NFATC3: variants seen among roughly 807,000 people sequenced by gnomAD.
NFATC3 encodes the protein nuclear factor of activated T cells 3, also known as nuclear factor of activated T-cells, cytoplasmic 3.
In NFATC3, 46 loss-of-function variants were observed where a neutral mutation model predicts 98.6. The ratio of observed to expected loss-of-function variants is 0.47; its 90% confidence interval spans 0.37 to 0.60. The LOEUF is 0.60. Among genes scored for constraint, NFATC3 ranks in the 20% least tolerant of loss-of-function variants. The pLI is 0.00. For synonymous variants in NFATC3, 512 were observed against 472.2 expected (o/e 1.08, Z -1.09); for missense variants, 1,256 against 1,295.5 (o/e 0.97, Z 0.47).
Position 68,085,417 on chromosome 16 carries a change from G to T in NFATC3, c.-265G>T, listed in dbSNP as rs541370008. On this transcript the variant is annotated 5_prime_UTR_variant, in exon 1 of 10. Coordinates refer to ENST00000346183, the MANE Select transcript of NFATC3 (RefSeq NM_173165.3). ...GCGGCGGTGGCGGCGACTGTGGGGG[G>T]GCGGCGGGGAACATTGGCTAAGCCG... 2.0e-4 allele frequency: 54 copies of T among 274,738 alleles called. No homozygotes were observed. The highest frequency in any genetic ancestry group is 2.7e-4 in the Non-Finnish European group (40 of 146,964). 17.0% of individuals were successfully genotyped at this position (274,738 alleles called of 1,614,324 possible).
At chr16:68,174,201 T>G (rs1413403127) in intron 5 of NFATC3, among the ~76,000 whole-genome samples, 173 bp from the exon 6 acceptor site, 1 of 152,210 alleles carries the variant, frequency 6.6e-6, no homozygotes, top group Admixed American at 6.5e-5. Context: ...TATAAACAGC[T>G]TAGTTCTTTT....
chr16:68,149,542 G>T (rs1002518649), intron 3 of NFATC3, among the ~76,000 whole-genome samples: 2 of 152,156 alleles, frequency 1.3e-5, no homozygotes, highest in Non-Finnish European at 2.9e-5. Flanking sequence ...CATGTATCCA[G>T]TTATAATGCA....
At chr16:68,131,650 CTT>C (rs78084781) in intron 3 of NFATC3, among the ~76,000 whole-genome samples, 16 of 138,270 alleles carry the variant, frequency 1.2e-4, no homozygotes, top group Admixed American at 2.2e-4. Flanking sequence ...AATCAAGGTA[CTT>C]TTTTTTTTTT....
intron 3 of NFATC3, among the ~76,000 whole-genome samples, chr16:68,149,723 G>A (rs546467720): frequency 2.6e-5 from 4 of 152,276 alleles, no homozygotes; most frequent in Admixed American, 2.6e-4. Context: ...GTGATAAATG[G>A]AAAACAAAAC....
chr16:68,201,353 C>A (rs1158413504), intron 9 of NFATC3, among the ~76,000 whole-genome samples: 2 of 152,050 alleles, frequency 1.3e-5, no homozygotes, highest in Non-Finnish European at 2.9e-5. Flanking sequence ...CACTTTAGCC[C>A]CCCAAGTAGC....
chr16:68,124,592 G>A (rs999099282), intron 2 of NFATC3, among the ~76,000 whole-genome samples: 6 of 151,812 alleles, frequency 4.0e-5, no homozygotes, highest in African/African-American at 1.5e-4. Context: ...CCGGCACCAC[G>A]CCCGGCTAAT....
At chr16:68,105,529 A>G (rs1319359776) in intron 1 of NFATC3, among the ~76,000 whole-genome samples, 1 of 151,914 alleles carries the variant, frequency 6.6e-6, no homozygotes, top group African/African-American at 2.4e-5. Context: ...GCTAGTGTAT[A>G]TTTTGTTGAG....
At chr16:68,222,575 C>T (rs965165347) in intron 9 of NFATC3, among the ~76,000 whole-genome samples, 1 of 152,138 alleles carries the variant, frequency 6.6e-6, no homozygotes, top group East Asian at 1.9e-4. Context: ...GTAACGCCTG[C>T]CTAAAATACA....
intron 1 of NFATC3, among the ~76,000 whole-genome samples, chr16:68,095,024 C>T (rs2034935294): frequency 6.6e-6 from 1 of 152,040 alleles, no homozygotes; most frequent in African/African-American, 2.4e-5. Context: ...TATGCCTTGG[C>T]CTGAGGATAT....
At chr16:68,148,948 G>A (rs1239674564) in intron 3 of NFATC3, among the ~76,000 whole-genome samples, 1 of 152,090 alleles carries the variant, frequency 6.6e-6, no homozygotes, top group Non-Finnish European at 1.5e-5. Flanking sequence ...GGTGGAGGTT[G>A]CAGCACCACT....
intron 9 of NFATC3, among the ~76,000 whole-genome samples, chr16:68,222,218 A>ATCACCTGAGCCCAGGAAT (rs368976473): frequency 0.014 from 1,933 of 139,584 alleles, 42 homozygotes; most frequent in African/African-American, 0.047. Flanking sequence ...AGGTGGGAAG[A>ATCACCTGAGCCCAGGAAT]TCAAGGCTGC....
At chr16:68,111,803 T>C (rs976015552) in intron 1 of NFATC3, among the ~76,000 whole-genome samples, 4 of 152,238 alleles carry the variant, frequency 2.6e-5, no homozygotes, top group Non-Finnish European at 5.9e-5. Flanking sequence ...CAGGAATTCT[T>C]GTAAAGCAGA....
At chr16:68,090,193 G>T (rs1478778379) in intron 1 of NFATC3, among the ~76,000 whole-genome samples, 6 of 151,660 alleles carry the variant, frequency 4.0e-5, no homozygotes, top group Admixed American at 3.3e-4. Context: ...TTTAGTCAAG[G>T]TTTTTGTTTT....
At position 68,202,832 on chromosome 16, in the gene NFATC3, TAAAA is replaced by T. The variant is rs538945122; in HGVS notation, c.3106+11063_3106+11066del. On this transcript the variant is annotated intron_variant, in intron 9 of 9. Transcript: ENST00000346183. ...CATCTCAAAATAAATAAATAAATAA[TAAAA>T]AAAAATAAATAAATAAAATTAAATA... Among the ~76,000 whole-genome samples the T allele has an allele frequency of 5.1e-3, 763 of 149,804 alleles. 7 individuals are homozygous for T. Among genetic ancestry groups the T allele is most frequent in the African/African-American group, 0.017 (695 of 40,852 alleles).
intron 3 of NFATC3, among the ~76,000 whole-genome samples, chr16:68,131,475 A>G (rs761323549): frequency 6.6e-6 from 1 of 152,006 alleles, no homozygotes; most frequent in Non-Finnish European, 1.5e-5. Context: ...ACAGGGTTTT[A>G]CCATGTTGTC....
At chr16:68,211,105 G>C (rs1340847809) in intron 9 of NFATC3, among the ~76,000 whole-genome samples, 1 of 151,998 alleles carries the variant, frequency 6.6e-6, no homozygotes, top group Non-Finnish European at 1.5e-5. Context: ...CTTTGTGTCA[G>C]AGTAAATTCT....
intron 9 of NFATC3, among the ~76,000 whole-genome samples, chr16:68,194,767 G>T (rs1250129731): frequency 1.3e-5 from 2 of 152,062 alleles, no homozygotes; most frequent in African/African-American, 2.4e-5. Flanking sequence ...TTTACCACAG[G>T]TTGAGAGATT....
intron 3 of NFATC3, among the ~76,000 whole-genome samples, chr16:68,144,515 TA>T (rs1310174792): frequency 2.6e-5 from 4 of 152,178 alleles, no homozygotes; most frequent in Admixed American, 2.0e-4. Context: ...TCATCATCAT[TA>T]TTTTTTTTTG....
At position 68,191,518 on chromosome 16, in the gene NFATC3, T is replaced by C. The variant is rs1409495255; in HGVS notation, c.2849T>C (p.Met950Thr). The C allele has an allele frequency of 6.2e-7, 1 of 1,614,196 alleles. No individual in the cohort carries two copies. ...CCACCATCTCCTCAGCTTCAGCCTA[T>C]GCCTTACCAATCTCCTAGCTCAGGA... ...SGPPSPQLQP[M>T]PYQSPSSGTA... The change falls in exon 9 of 10, where the codon ATG becomes ACG. Residue 950 changes from methionine to threonine, a missense_variant. Coordinates refer to ENST00000346183, the MANE Select transcript of NFATC3 (RefSeq NM_173165.3).
Sources: gnomAD v4.1 joint callset for allele counts (sites outside exome capture counted in the v4.1 genomes callset) on GRCh38, gnomAD v4.1.1 for gene constraint, MANE v1.5 for transcripts, NCBI Gene and HGNC (gene_info 2026-07-23, HGNC 2026-07-21) for gene names.